The following LONP2 variants were observed in gnomAD, a reference collection of about 807,000 sequenced individuals.
LONP2 encodes the protein lon protease homolog 2, peroxisomal.
In LONP2, 60 loss-of-function variants were observed where a neutral mutation model predicts 85.6. That is an observed-to-expected ratio of 0.70 (90% CI 0.57 to 0.87). The LOEUF is 0.87. Among genes scored for constraint, LONP2 ranks in the 40% least tolerant of loss-of-function variants. LONP2 has a pLI of 0.00. For missense variants in LONP2, 860 were observed against 1,063.5 expected (o/e 0.81, Z 2.66); for synonymous variants, 395 against 389.7 (o/e 1.01, Z -0.16).
chr16:48,294,533 A>T (rs1442587700), intron 8 of LONP2, among the ~76,000 whole-genome samples: 1 of 152,166 alleles, frequency 6.6e-6, no homozygotes. Context: ...TGGGAGGCCA[A>T]GGCAGGTGGA....
intron 6 of LONP2, among the ~76,000 whole-genome samples, chr16:48,267,106 G>A (rs944704402): frequency 9.2e-5 from 14 of 152,266 alleles, no homozygotes; most frequent in Admixed American, 9.2e-4. Flanking sequence ...TGCCATGTGT[G>A]TCAGCACTAG....
chr16:48,271,197 A>G (rs1451259791), intron 7 of LONP2, among the ~76,000 whole-genome samples: 3 of 152,016 alleles, frequency 2.0e-5, no homozygotes, highest in Non-Finnish European at 4.4e-5. Context: ...CAAACAAACA[A>G]CAACAAAACT....
intron 11 of LONP2, among the ~76,000 whole-genome samples, chr16:48,329,873 T>C (rs1417995044): frequency 6.6e-6 from 1 of 152,250 alleles, no homozygotes; most frequent in Non-Finnish European, 1.5e-5. Flanking sequence ...GGTACTTATA[T>C]TGGATCTAAG....
At chr16:48,247,595 G>C (rs1038663146) in intron 1 of LONP2, 13 of 152,274 alleles carry the variant, frequency 8.5e-5, no homozygotes, top group African/African-American at 3.1e-4. Flanking sequence ...TTGTCCTGCA[G>C]TATAGAACTT....
rs1596964699 is a variant in LONP2 at position 48,302,185 on chromosome 16, T to C, written c.1662-987T>C. ...TTTTGTATTTATAAAGCTGAATTTT[T>C]TAAAGCCCAAATGTAGAAGTTGTTA... On this transcript the variant is annotated intron_variant, in intron 10 of 14. Coordinates refer to ENST00000285737, the MANE Select transcript of LONP2 (RefSeq NM_031490.5). Among the ~76,000 whole-genome samples the C allele has an allele frequency of 1.3e-5, 2 of 152,382 alleles. 1 individual carries two copies. The highest frequency in any genetic ancestry group is 1.3e-4 in the Admixed American group (2 of 15,312).
intron 11 of LONP2, among the ~76,000 whole-genome samples, chr16:48,308,250 A>C (rs1223737970): frequency 6.6e-6 from 1 of 152,210 alleles, no homozygotes; most frequent in Non-Finnish European, 1.5e-5. Context: ...AGGACAACCT[A>C]TTCAGTAAAT....
chr16:48,271,921 C>T (rs1025639145), intron 7 of LONP2, among the ~76,000 whole-genome samples: 1 of 152,144 alleles, frequency 6.6e-6, no homozygotes, highest in African/African-American at 2.4e-5. Flanking sequence ...TGGCATTTCT[C>T]TTGGACCAAA....
chr16:48,272,443 CAT>C (rs1208939605), intron 7 of LONP2, among the ~76,000 whole-genome samples: 3 of 152,038 alleles, frequency 2.0e-5, no homozygotes, highest in African/African-American at 7.3e-5. Context: ...TCCTTACTGA[CAT>C]ATAAAATTTG....
At chr16:48,345,525 A>G (rs1167071675) in intron 12 of LONP2, 1 of 152,226 alleles carries the variant, frequency 6.6e-6, no homozygotes, top group African/African-American at 2.4e-5. Context: ...AGTTTTATAA[A>G]TAACTGTTTC....
intron 12 of LONP2, among the ~76,000 whole-genome samples, chr16:48,343,241 G>T (rs147514821): frequency 6.6e-6 from 1 of 152,162 alleles, no homozygotes; most frequent in African/African-American, 2.4e-5. Context: ...CCCTCTGATG[G>T]GTCTATACGT....
intron 7 of LONP2, among the ~76,000 whole-genome samples, chr16:48,270,959 T>C (rs77129169): frequency 0.014 from 2,081 of 152,218 alleles, 47 homozygotes; most frequent in African/African-American, 0.047. Context: ...GAAACACTTT[T>C]GTCTCTACAA....
chr16:48,251,779 C>T (rs183682951), intron 1 of LONP2, among the ~76,000 whole-genome samples: 4 of 152,226 alleles, frequency 2.6e-5, no homozygotes, highest in East Asian at 3.9e-4. Context: ...TAATATTTAT[C>T]CTGGTATAAG....
At chr16:48,321,743 TAAAG>T (rs1263561797) in intron 11 of LONP2, among the ~76,000 whole-genome samples, 1 of 152,014 alleles carries the variant, frequency 6.6e-6, no homozygotes, top group Non-Finnish European at 1.5e-5. Flanking sequence ...AGATGAACAA[TAAAG>T]AAAAAATAAA....
At chr16:48,333,425 C>G (rs540417498) in intron 11 of LONP2, among the ~76,000 whole-genome samples, 1 of 152,220 alleles carries the variant, frequency 6.6e-6, no homozygotes, top group African/African-American at 2.4e-5. Flanking sequence ...AAAATGATAA[C>G]CTTAGAGTTA....
chr16:48,245,512 T>C (rs573384978), intron 1 of LONP2, among the ~76,000 whole-genome samples: 9 of 152,326 alleles, frequency 5.9e-5, no homozygotes, highest in African/African-American at 1.9e-4. Context: ...GTAGTGCATG[T>C]GGCTCGTCAA....
In LONP2 at chr16:48,355,313, A is replaced by G. The variant is rs984086054; in HGVS notation, c.*3511A>G. Reference sequence around the variant, plus strand: ...TCATTAATGGATTTAGTGCCTTTATAAAGGGGCTCAAGGGAACCAATTACC... The same window carrying G: ...TCATTAATGGATTTAGTGCCTTTATGAAGGGGCTCAAGGGAACCAATTACC... On this transcript the variant is annotated 3_prime_UTR_variant, in exon 15 of 15. Transcript: ENST00000285737. 6.6e-6 allele frequency: 1 copy of G among 152,076 alleles called. No homozygotes were observed. The highest frequency in any genetic ancestry group is 2.4e-5 in the African/African-American group (1 of 41,396). The allele number at this position is 152,076 out of a possible 1,614,324, so 9.4% of individuals were successfully genotyped here. A position where few individuals can be genotyped will look rare whatever the true frequency, so the allele number is the denominator to read the frequency against.
chr16:48,351,074 TGTA>T (rs1405721842), intron 14 of LONP2, among the ~76,000 whole-genome samples: 26 of 152,154 alleles, frequency 1.7e-4, no homozygotes, highest in Admixed American at 1.7e-3. Flanking sequence ...GGGGGACCAT[TGTA>T]GACATGTTTG....
At chr16:48,322,271 A>G (rs900282676) in intron 11 of LONP2, among the ~76,000 whole-genome samples, 1 of 152,232 alleles carries the variant, frequency 6.6e-6, no homozygotes, top group African/African-American at 2.4e-5. Flanking sequence ...TTCACAAAAA[A>G]AAATTCACAA....
intron 8 of LONP2, among the ~76,000 whole-genome samples, chr16:48,291,149 C>G (rs1412264955): frequency 6.6e-6 from 1 of 152,086 alleles, no homozygotes; most frequent in Non-Finnish European, 1.5e-5. Context: ...AAAATTTCAA[C>G]CATAGCAAAA....
Sources: gnomAD v4.1 joint callset for allele counts (sites outside exome capture counted in the v4.1 genomes callset) on GRCh38, gnomAD v4.1.1 for gene constraint, MANE v1.5 for transcripts, NCBI Gene and HGNC (gene_info 2026-07-23, HGNC 2026-07-21) for gene names.